Variants in PCDHA7 observed in about 807,000 individuals in gnomAD.
PCDHA7 encodes protocadherin alpha 7.
PCDHA7 carries 37 observed loss-of-function variants against 57.2 expected under a neutral mutation model. The ratio of observed to expected loss-of-function variants is 0.65; its 90% CI spans 0.50 to 0.85. The LOEUF is 0.85. Among genes scored for constraint, PCDHA7 ranks in the 40% least tolerant of loss-of-function variants. The probability of loss-of-function intolerance (pLI) is 0.00; values close to 1 mark genes in which losing one functional copy is unlikely to be tolerated. For synonymous variants in PCDHA7, 553 were observed against 558.8 expected, an observed-to-expected ratio of 0.99 and a Z score of 0.15; for missense variants, 1,188 against 1,241.8, an observed-to-expected ratio of 0.96 and a Z score of 0.65.
intron 3 of PCDHA7, among the ~76,000 whole-genome samples, chr5:141,000,421 A>ATTTTTTTTTTT (rs34755515): frequency 3.6e-5 from 1 of 27,968 alleles, no homozygotes; most frequent in Non-Finnish European, 5.7e-5. Context: ...ATATATATAT[A>ATTTTTTTTTTT]TTTTTTTTTT....
At chr5:140,860,793 A>G (rs1012928413) in intron 1 of PCDHA7, 3 of 152,166 alleles carry the variant, frequency 2.0e-5, no homozygotes, top group Non-Finnish European at 4.4e-5. Context: ...GCTGGAGTGC[A>G]GTGGCACGAT....
At chr5:140,942,681 A>G (rs1554215168) in intron 1 of PCDHA7, among the ~76,000 whole-genome samples, 1 of 152,206 alleles carries the variant, frequency 6.6e-6, no homozygotes, top group African/African-American at 2.4e-5. Flanking sequence ...AGTTTTAGGA[A>G]TAACTTTAAT....
chr5:140,911,055 G>A lies in PCDHA7; in HGVS notation c.2356-67894G>A, dbSNP rs576580251. The stretch of plus-strand genomic sequence containing the variant: ...CTAGAAGCAAACAGGGGTGGTGGGG[G>A]GTGGGTCCTGAGGAGAATCAACATT... On this transcript the variant is annotated intron_variant, in intron 1 of 3. Transcript: ENST00000525929. 5.3e-5 allele frequency among the ~76,000 whole-genome samples: 8 copies of A among 152,158 alleles called. 1 individual carries two copies. The highest frequency in any genetic ancestry group is 5.2e-4 in the Admixed American group (8 of 15,266).
chr5:140,875,632 C>G, intron 1 of PCDHA7: 1 of 1,613,710 alleles, frequency 6.2e-7, no homozygotes, highest in Non-Finnish European at 8.5e-7. Flanking sequence ...GGACCTGGGG[C>G]TGGAGCTGGC....
At chr5:140,903,917 T>C (rs2070714744) in intron 1 of PCDHA7, among the ~76,000 whole-genome samples, 1 of 152,258 alleles carries the variant, frequency 6.6e-6, no homozygotes, top group Non-Finnish European at 1.5e-5. Flanking sequence ...GTGACTTCCT[T>C]GCTGCATTGG....
At chr5:140,881,195 A>G (rs943462031) in intron 1 of PCDHA7, 1 of 173,206 alleles carries the variant, frequency 5.8e-6, no homozygotes, top group Non-Finnish European at 1.1e-5. Context: ...ATATGTTAAC[A>G]TCTTTGTCTA....
intron 1 of PCDHA7, among the ~76,000 whole-genome samples, chr5:140,896,682 C>A (rs573518532): frequency 6.6e-6 from 1 of 152,124 alleles, no homozygotes; most frequent in African/African-American, 2.4e-5. Flanking sequence ...CGGCCCTTTG[C>A]CCATTTTTTG....
At position 140,912,557 on chromosome 5, in the gene PCDHA7, A is replaced by T. The variant is rs1220242152; in HGVS notation, c.2356-66392A>T. On this transcript the variant is annotated intron_variant, in intron 1 of 3. Transcript: ENST00000525929. ...GATCATATTGTCAGCAAACAGCAAC[A>T]GTTTTAACTTCCTCTTTTCCAATTT... Among the ~76,000 whole-genome samples the T allele has an allele frequency of 4.6e-5, 7 of 152,154 alleles. No individual in the cohort carries two copies. The South Asian group carries it at 1.5e-3, about 32-fold the overall frequency.
At chr5:140,857,771 G>C in intron 1 of PCDHA7, 3 of 1,597,658 alleles carry the variant, frequency 1.9e-6, no homozygotes, top group Non-Finnish European at 2.6e-6. Flanking sequence ...CGCGGGCGGT[G>C]CAGTCAGTGA....
At chr5:140,973,400 A>G (rs2096585870) in intron 1 of PCDHA7, among the ~76,000 whole-genome samples, 1 of 152,244 alleles carries the variant, frequency 6.6e-6, no homozygotes, top group Non-Finnish European at 1.5e-5. Flanking sequence ...AATCATATCT[A>G]TGAGCTTCCA....
chr5:140,876,081 G>A (rs568872116), intron 1 of PCDHA7: 1 of 1,613,944 alleles, frequency 6.2e-7, no homozygotes, highest in African/African-American at 1.3e-5. Flanking sequence ...TGGACAGAGA[G>A]CAAACGCCAA....
chr5:140,968,355 G>C lies in PCDHA7; in HGVS notation c.2356-10594G>C. On this transcript the variant is annotated intron_variant, in intron 1 of 3. Transcript: ENST00000525929. ...GTCTCCATTAACAGTGCCAGTGGCA[G>C]CCTTTATGCTGTCAACTCCTTTGAC... 1 of 1,614,080 alleles carries C rather than the reference G, an allele frequency of 6.2e-7. No individual in the cohort carries two copies. The highest frequency in any genetic ancestry group is 8.5e-7 in the Non-Finnish European group (1 of 1,180,010).
intron 1 of PCDHA7, among the ~76,000 whole-genome samples, chr5:140,892,084 C>G (rs1233800772): frequency 6.6e-6 from 1 of 151,992 alleles, no homozygotes; most frequent in African/African-American, 2.4e-5. Flanking sequence ...TTCTAGTTTC[C>G]TCTCGAAACT....
intron 3 of PCDHA7, among the ~76,000 whole-genome samples, chr5:140,990,637 C>A (rs2097404568): frequency 6.6e-6 from 1 of 152,154 alleles, no homozygotes; most frequent in South Asian, 2.1e-4. Flanking sequence ...AGACTAGAAG[C>A]CTCAGCCAGT....
At chr5:140,876,231 A>G (rs1428769390) in intron 1 of PCDHA7, 1 of 1,613,886 alleles carries the variant, frequency 6.2e-7, no homozygotes, top group African/African-American at 1.3e-5. Context: ...TGTTGTCTGA[A>G]AATGTCCAAA....
chr5:140,905,580 T>C (rs2071928885), intron 1 of PCDHA7, among the ~76,000 whole-genome samples: 1 of 152,168 alleles, frequency 6.6e-6, no homozygotes, highest in Non-Finnish European at 1.5e-5. Flanking sequence ...AGAATGATAA[T>C]GATATTTTGC....
At chr5:140,953,580 A>G (rs1053710021) in intron 1 of PCDHA7, among the ~76,000 whole-genome samples, 23 of 151,934 alleles carry the variant, frequency 1.5e-4, no homozygotes, top group Non-Finnish European at 2.4e-4. Context: ...CTCTCCCAAA[A>G]CTGCCTCCTT....
At chr5:140,909,519 T>C (rs975700982) in intron 1 of PCDHA7, among the ~76,000 whole-genome samples, 4 of 152,214 alleles carry the variant, frequency 2.6e-5, no homozygotes, top group Non-Finnish European at 4.4e-5. Context: ...TCACAACCCC[T>C]GCACATTTTG....
intron 1 of PCDHA7, chr5:140,875,493 A>T: frequency 6.2e-7 from 1 of 1,612,928 alleles, no homozygotes; most frequent in South Asian, 1.1e-5. Flanking sequence ...TCGGACCAAG[A>T]GGCCCGGGAT....
Sources: gnomAD v4.1 joint callset for allele counts (sites outside exome capture counted in the v4.1 genomes callset) on GRCh38, gnomAD v4.1.1 for gene constraint, MANE v1.5 for transcripts, NCBI Gene and HGNC (gene_info 2026-07-23, HGNC 2026-07-21) for gene names.